Variants in DUS2 observed in about 807,000 individuals in gnomAD.
The protein encoded by DUS2 is tRNA-dihydrouridine(20) synthase [NAD(P)+]-like.
DUS2 carries 52 observed loss-of-function variants against 71.3 expected under a neutral mutation model. The observed-to-expected ratio is 0.73, with a 90% confidence interval of 0.58 to 0.92. DUS2 has a LOEUF of 0.92. DUS2 is among the 40% of genes least tolerant of loss of function. DUS2 has a pLI of 0.00. For synonymous variants in DUS2, 204 were observed against 227.8 expected (o/e 0.90, Z 0.94); for missense variants, 558 against 622.6 (o/e 0.90, Z 1.10).
At chr16:68,026,136 A>G (rs2033345840) in intron 2 of DUS2, among the ~76,000 whole-genome samples, 1 of 152,134 alleles carries the variant, frequency 6.6e-6, no homozygotes, top group Non-Finnish European at 1.5e-5. Context: ...GATTACAGGC[A>G]CGTGCTACCA....
Position 68,025,034 on chromosome 16 carries a change from G to A in DUS2, c.-98-381G>A, listed in dbSNP as rs1215049444. Among the ~76,000 whole-genome samples the A allele has an allele frequency of 7.2e-5, 11 of 152,132 alleles. No individual in the cohort carries two copies. The East Asian group carries it at 9.7e-4, about 13-fold the overall frequency. On this transcript the variant is annotated intron_variant, in intron 1 of 16. Coordinates refer to ENST00000565263, the MANE Select transcript of DUS2 (RefSeq NM_017803.5). ...TTTAATAGAGACAGGGTTTCACTAC[G>A]TTGGGCAGGCTGGTCTCAAACTCCT...
Position 68,066,296 on chromosome 16 carries a change from C to G in DUS2, c.418-21C>G, listed in dbSNP as rs1007119553. 3 of 1,613,284 alleles carry G rather than the reference C, an allele frequency of 1.9e-6. No homozygotes were observed. In the African/African-American group the frequency reaches 4.0e-5, roughly 22 times the overall value. ...GTTTGTTCCAGAAGACATAGGTGCT[C>G]TTGTGTTTTCCTTTCTGCAGATCCT... On this transcript the variant is annotated intron_variant, in intron 8 of 16. Coordinates refer to ENST00000565263, the MANE Select transcript of DUS2 (RefSeq NM_017803.5).
chr16:68,043,315 A>T (rs1007145445), intron 3 of DUS2, among the ~76,000 whole-genome samples: 10 of 152,058 alleles, frequency 6.6e-5, no homozygotes, highest in Admixed American at 5.2e-4. Context: ...CTGAGACAGG[A>T]GAATTGCTTG....
chr16:68,028,563 C>A (rs368609850), intron 2 of DUS2, among the ~76,000 whole-genome samples: 2 of 152,030 alleles, frequency 1.3e-5, no homozygotes, highest in East Asian at 3.9e-4. Context: ...TGCTTGAACC[C>A]GGGAGGCGGA....
intron 2 of DUS2, among the ~76,000 whole-genome samples, chr16:68,032,908 CAAAAAAAAAAAA>C (rs71145986): frequency 5.2e-5 from 3 of 57,944 alleles, no homozygotes; most frequent in Admixed American, 5.7e-4. Flanking sequence ...GACTCCATCT[CAAAAAAAAAAAA>C]AAAAAAAAAA....
chr16:68,047,289 C>T (rs1436332652), intron 3 of DUS2, among the ~76,000 whole-genome samples: 4 of 151,436 alleles, frequency 2.6e-5, no homozygotes, highest in African/African-American at 7.3e-5. Flanking sequence ...CTCCTGACCT[C>T]GTGATCCACC....
chr16:68,066,289 A>T (rs1164550733), intron 8 of DUS2, 28 bp from the exon 9 acceptor site: 1 of 1,609,634 alleles, frequency 6.2e-7, no homozygotes, highest in Admixed American at 1.7e-5. Flanking sequence ...CAGAAGACAT[A>T]GGTGCTCTTG....
At chr16:68,041,113 C>G (rs1374116203) in intron 3 of DUS2, among the ~76,000 whole-genome samples, 1 of 152,110 alleles carries the variant, frequency 6.6e-6, no homozygotes, top group Non-Finnish European at 1.5e-5. Context: ...CACCTGTAGT[C>G]CCAGCTTCAG....
chr16:68,039,489 G>A (rs1286217619), intron 3 of DUS2, among the ~76,000 whole-genome samples: 1 of 152,054 alleles, frequency 6.6e-6, no homozygotes, highest in Non-Finnish European at 1.5e-5. Context: ...CGCGATCTTG[G>A]CTCACTGCAA....
chr16:68,073,448 T>A (rs2034114428), intron 12 of DUS2, among the ~76,000 whole-genome samples: 1 of 147,144 alleles, frequency 6.8e-6, no homozygotes, highest in African/African-American at 2.6e-5. Context: ...ATTTTCTTTT[T>A]CTTTTTTTTT....
chr16:68,064,928 C>T (rs2033985449), intron 8 of DUS2, among the ~76,000 whole-genome samples: 1 of 152,232 alleles, frequency 6.6e-6, no homozygotes, highest in Non-Finnish European at 1.5e-5. Flanking sequence ...CTGGCAGCAG[C>T]CACCTAGATA....
intron 3 of DUS2, among the ~76,000 whole-genome samples, chr16:68,040,250 A>G (rs1315432050): frequency 6.6e-6 from 1 of 151,926 alleles, no homozygotes; most frequent in Non-Finnish European, 1.5e-5. Flanking sequence ...ATGTCCAGCT[A>G]ATTTTTGTAT....
Position 68,055,541 on chromosome 16 carries a change from C to T in DUS2, c.309-823C>T, listed in dbSNP as rs368655038. On this transcript the variant is annotated intron_variant, in intron 6 of 16. Coordinates refer to ENST00000565263, the MANE Select transcript of DUS2 (RefSeq NM_017803.5). ...GACCTGGTTTGCAATTCTGGTTTTGCTACTTGTTAACTGTGTGACCTGAGA... is the reference window on the plus strand; with the variant it reads ...GACCTGGTTTGCAATTCTGGTTTTGTTACTTGTTAACTGTGTGACCTGAGA... 2.0e-5 allele frequency among the ~76,000 whole-genome samples: 3 copies of T among 152,172 alleles called. No homozygotes were observed. The East Asian group carries it at 5.8e-4, about 29-fold the overall frequency.
At chr16:68,047,035 C>CTGCCGCGTCTGGCCTCTCT (rs2033712536) in intron 3 of DUS2, among the ~76,000 whole-genome samples, 3 of 149,704 alleles carry the variant, frequency 2.0e-5, no homozygotes, top group East Asian at 2.0e-4. Flanking sequence ...CAGGCGTGAG[C>CTGCCGCGTCTGGCCTCTCT]CACCATGCCC....
At chr16:68,073,235 T>A (rs1031947798) in intron 12 of DUS2, among the ~76,000 whole-genome samples, 2 of 152,108 alleles carry the variant, frequency 1.3e-5, no homozygotes, top group East Asian at 3.9e-4. Flanking sequence ...GCTGGAAGAG[T>A]AGATGACCAA....
At chr16:68,033,400 A>G (rs998612945) in intron 2 of DUS2, among the ~76,000 whole-genome samples, 2 of 152,172 alleles carry the variant, frequency 1.3e-5, no homozygotes, top group African/African-American at 4.8e-5. Context: ...TTTTCTTTCT[A>G]CATATTGGAC....
At chr16:68,077,655 C>T (rs1306106899) in intron 15 of DUS2, 2 of 152,304 alleles carry the variant, frequency 1.3e-5, no homozygotes, top group Non-Finnish European at 2.9e-5. Flanking sequence ...TCCCAAAGTG[C>T]TAGGATTACA....
At chr16:68,058,193 G>A (rs2033888522) in intron 7 of DUS2, among the ~76,000 whole-genome samples, 1 of 151,392 alleles carries the variant, frequency 6.6e-6, no homozygotes, top group South Asian at 2.1e-4. Context: ...GTTGGTAAAA[G>A]ATCAGCTGGA....
At chr16:68,048,587 T>A (rs2033735834) in intron 3 of DUS2, among the ~76,000 whole-genome samples, 1 of 152,190 alleles carries the variant, frequency 6.6e-6, no homozygotes, top group Non-Finnish European at 1.5e-5. Context: ...TTTGTTAATC[T>A]GATGGTGGGT....
Sources: allele counts gnomAD v4.1 joint callset (sites outside exome capture counted in the v4.1 genomes callset), GRCh38; gene constraint gnomAD v4.1.1; transcripts MANE v1.5; gene names NCBI Gene and HGNC (gene_info 2026-07-23, HGNC 2026-07-21).